The following EEF2K variants were observed in gnomAD, a reference collection of about 807,000 sequenced individuals.
EEF2K encodes eukaryotic elongation factor 2 kinase, also known as alternative protein EEF2K.
In EEF2K, 70 loss-of-function variants were observed where a neutral mutation model predicts 93.8. That is an observed-to-expected ratio of 0.75 (90% confidence interval 0.62 to 0.91). EEF2K has a LOEUF of 0.91. EEF2K is among the 40% of genes least tolerant of loss of function. The pLI, the probability that EEF2K is intolerant of heterozygous loss-of-function variation, is 0.00. For missense variants in EEF2K, 935 were observed against 972.9 expected (o/e 0.96, Z 0.52); for synonymous variants, 376 against 380.8 (o/e 0.99, Z 0.15).
At chr16:22,255,766 C>T (rs376986082) in intron 6 of EEF2K, among the ~76,000 whole-genome samples, 4 of 151,858 alleles carry the variant, frequency 2.6e-5, no homozygotes, top group Non-Finnish European at 5.9e-5. Context: ...AGATATGAGC[C>T]ATGTGTAGTG....
chr16:22,238,661 AAAAAG>A (rs2047192006), intron 2 of EEF2K, among the ~76,000 whole-genome samples: 1 of 142,134 alleles, frequency 7.0e-6, no homozygotes, highest in Non-Finnish European at 1.5e-5. Context: ...AAAAAAAAGA[AAAAAG>A]GAAAAAAAAA....
intron 13 of EEF2K, chr16:22,265,268 T>C (rs1039629262): frequency 1.1e-5 from 2 of 181,386 alleles, no homozygotes; most frequent in African/African-American, 4.7e-5. Flanking sequence ...TAAGCAACTT[T>C]CCCCAGGTTA....
chr16:22,210,058 G>C (rs1349945260), intron 1 of EEF2K, among the ~76,000 whole-genome samples: 1 of 152,208 alleles, frequency 6.6e-6, no homozygotes. Flanking sequence ...GCCTCCCAAA[G>C]TGTTAGGATC....
At chr16:22,269,552 C>T (rs2047556523) in intron 15 of EEF2K, among the ~76,000 whole-genome samples, 1 of 151,990 alleles carries the variant, frequency 6.6e-6, no homozygotes, top group Non-Finnish European at 1.5e-5. Flanking sequence ...CAGGTGCCTG[C>T]CACCACACCT....
chr16:22,262,077 C>G (rs1180133659), intron 11 of EEF2K, among the ~76,000 whole-genome samples: 1 of 151,530 alleles, frequency 6.6e-6, no homozygotes, highest in Non-Finnish European at 1.5e-5. Context: ...GGAAATAAAA[C>G]TATTCCGTTA....
chr16:22,277,959 C>T (rs1386155116), intron 16 of EEF2K, among the ~76,000 whole-genome samples: 1 of 152,118 alleles, frequency 6.6e-6, no homozygotes, highest in Non-Finnish European at 1.5e-5. Flanking sequence ...AATCCCAGCA[C>T]TTTGGGAGGC....
chr16:22,264,736 G>A lies in EEF2K; in HGVS notation c.1378-82G>A, dbSNP rs533120623. 63 of 1,516,140 alleles carry A rather than the reference G, an allele frequency of 4.2e-5. No individual in the cohort carries two copies. In the South Asian group the frequency reaches 4.8e-4, roughly 12 times the overall value. 93.9% of individuals were successfully genotyped at this position (1,516,140 alleles called of 1,614,324 possible). A position where few individuals can be genotyped will look rare whatever the true frequency, so the allele number is the denominator to read the frequency against. On this transcript the variant is annotated intron_variant, in intron 12 of 17. Coordinates refer to ENST00000263026, the MANE Select transcript of EEF2K (RefSeq NM_013302.5). ...AGGAGGGCCAGGCTGGTTCCAGGGA[G>A]GAGGGCTGGACCAGCTCTCAGGAGA...
At position 22,283,894 on chromosome 16, in the gene EEF2K, G is replaced by A. The variant is rs750670540; in HGVS notation, c.2076G>A (p.Leu692=). Residue 692 remains leucine (L), a synonymous_variant, in exon 18 of 18, where the codon TTG becomes TTA. Transcript: ENST00000263026. ...CCCTTTGCTGTCTTTCAGGGGACTT[G>A]TATACCCAGGCAGCAGAGGCAGCGA... ...LEKDPQRSGD[L]YTQAAEAAME... 24 of 1,593,026 alleles carry A rather than the reference G, an allele frequency of 1.5e-5. No homozygotes were observed. The highest frequency in any genetic ancestry group is 2.1e-5 in the Non-Finnish European group (24 of 1,169,796).
intron 2 of EEF2K, among the ~76,000 whole-genome samples, chr16:22,235,624 A>G (rs1472425265): frequency 6.6e-6 from 1 of 151,206 alleles, no homozygotes; most frequent in Non-Finnish European, 1.5e-5. Flanking sequence ...CAGCCTCCCA[A>G]GTAGCTGGGA....
intron 1 of EEF2K, among the ~76,000 whole-genome samples, chr16:22,217,196 G>C (rs1253136609): frequency 6.9e-6 from 1 of 144,134 alleles, no homozygotes; most frequent in East Asian, 2.2e-4. Context: ...ATCAGGAAGC[G>C]TATTATTTAG....
At chr16:22,223,090 A>C (rs1287656584) in intron 1 of EEF2K, among the ~76,000 whole-genome samples, 1 of 152,020 alleles carries the variant, frequency 6.6e-6, no homozygotes, top group Non-Finnish European at 1.5e-5. Flanking sequence ...CTTCTCTGGA[A>C]GTTTCATATA....
intron 15 of EEF2K, among the ~76,000 whole-genome samples, chr16:22,267,989 A>G (rs571945251): frequency 2.6e-5 from 4 of 152,134 alleles, no homozygotes; most frequent in East Asian, 1.9e-4. Context: ...AACGTTGCGC[A>G]TGGACAGGTG....
chr16:22,257,841 CTG>C (rs1219737328), intron 9 of EEF2K, 71 bp downstream of exon 9: 20 of 1,575,740 alleles, frequency 1.3e-5, no homozygotes, highest in Admixed American at 6.9e-5. Context: ...CCCTGCTCCC[CTG>C]TGTGGTGACA....
intron 15 of EEF2K, among the ~76,000 whole-genome samples, chr16:22,271,747 C>T (rs1383962565): frequency 6.6e-6 from 1 of 151,930 alleles, no homozygotes; most frequent in Non-Finnish European, 1.5e-5. Context: ...ATATGGTTTA[C>T]AAATAACAAT....
At position 22,265,044 on chromosome 16, in the gene EEF2K, C is replaced by T. The variant is rs11860812; in HGVS notation, c.1440+164C>T. ...AAATCTGGGCAAATGCTCTTTGAACCTCTGCAGGGCAGGATGCTGGGGGAT... is the reference window on the plus strand; with the variant it reads ...AAATCTGGGCAAATGCTCTTTGAACTTCTGCAGGGCAGGATGCTGGGGGAT... On this transcript the variant is annotated intron_variant, in intron 13 of 17. Transcript: ENST00000263026. 15,668 of 705,998 alleles carry T rather than the reference C, an allele frequency of 0.022. 1,722 individuals are homozygous for T. The African/African-American group carries it at 0.24, about 11-fold the overall frequency. The allele number at this position is 705,998 out of a possible 1,614,324, so 43.7% of individuals were successfully genotyped here.
intron 16 of EEF2K, among the ~76,000 whole-genome samples, chr16:22,276,449 G>A (rs1372018420): frequency 6.6e-6 from 1 of 152,042 alleles, no homozygotes. Context: ...ATTCAAAGCA[G>A]TTCCAACCCC....
At chr16:22,273,521 G>T (rs9889102) in intron 15 of EEF2K, 105 bp from the exon 16 acceptor site, 1 of 1,515,296 alleles carries the variant, frequency 6.6e-7, no homozygotes. Flanking sequence ...CTCCCAACCC[G>T]GAGCTCTCAA....
At chr16:22,257,104 GC>G in intron 7 of EEF2K, 148 bp from the exon 8 acceptor site, 1 of 1,423,768 alleles carries the variant, frequency 7.0e-7, no homozygotes, top group Non-Finnish European at 9.5e-7. Context: ...CAAGGTCCCT[GC>G]CCAACTGAAG....
intron 12 of EEF2K, among the ~76,000 whole-genome samples, chr16:22,263,523 C>A (rs1475099692): frequency 6.6e-6 from 1 of 152,194 alleles, no homozygotes; most frequent in Non-Finnish European, 1.5e-5. Context: ...GCAGGAGAAT[C>A]ACTTTAACCC....
Sources: gnomAD v4.1 joint callset for allele counts (sites outside exome capture counted in the v4.1 genomes callset) on GRCh38, gnomAD v4.1.1 for gene constraint, MANE v1.5 for transcripts, NCBI Gene and HGNC (gene_info 2026-07-23, HGNC 2026-07-21) for gene names.